TCF3: variants seen among roughly 807,000 people sequenced by gnomAD.
TCF3 encodes the protein transcription factor 3.
A neutral mutation model predicts 72.3 loss-of-function variants in TCF3; 54 were observed. That is an observed-to-expected ratio of 0.75 (90% CI 0.60 to 0.94). TCF3 has a LOEUF of 0.94. TCF3 is among the 40% of genes least tolerant of loss of function. The pLI is 0.00. For synonymous variants in TCF3, 525 were observed against 412.6 expected (o/e 1.27, Z -3.30); for missense variants, 1,078 against 934.4 (o/e 1.15, Z -2.00).
chr19:1,631,264 G>C (rs1433705495), intron 5 of TCF3, among the ~76,000 whole-genome samples: 2 of 148,200 alleles, frequency 1.3e-5, no homozygotes, highest in African/African-American at 4.9e-5. Context: ...CCAGGCCTGA[G>C]TCTTCATTCT....
At chr19:1,634,929 A>T (rs2064194487) in intron 3 of TCF3, among the ~76,000 whole-genome samples, 2 of 152,308 alleles carry the variant, frequency 1.3e-5, no homozygotes, top group Middle Eastern at 3.4e-3. Context: ...ACAGCCAACA[A>T]TATTCACTCC....
At position 1,650,289 on chromosome 19, in the gene TCF3, T is replaced by C. The variant is rs991840676; in HGVS notation, c.-39-2A>G. The C allele has an allele frequency of 1.4e-5, 22 of 1,536,850 alleles. No individual in the cohort carries two copies. The African/African-American group carries it at 1.9e-4, about 13-fold the overall frequency. Reference sequence around the variant, plus strand: ...GCGGGCACCTCAGGCCTGGAAACCCTGCTTGGTGGATGTGGGGACAGATGG... The same window carrying C: ...GCGGGCACCTCAGGCCTGGAAACCCCGCTTGGTGGATGTGGGGACAGATGG... On this transcript the variant is annotated splice_acceptor_variant, in intron 1 of 18. Coordinates refer to ENST00000262965, the MANE Select transcript of TCF3 (RefSeq NM_003200.5). LOFTEE classifies it low-confidence loss of function (5UTR_SPLICE).
intron 3 of TCF3, among the ~76,000 whole-genome samples, chr19:1,641,170 A>AG (rs1167061898): frequency 1.3e-5 from 2 of 151,898 alleles, no homozygotes; most frequent in Non-Finnish European, 2.9e-5. Context: ...CTCAAAAAAA[A>AG]AAAAAAAGTT....
chr19:1,635,031 C>A (rs1189846861), intron 3 of TCF3, among the ~76,000 whole-genome samples: 1 of 152,198 alleles, frequency 6.6e-6, no homozygotes, highest in Non-Finnish European at 1.5e-5. Context: ...ACCCAATCGA[C>A]AGACTTCAGT....
At chr19:1,652,167 C>G in intron 1 of TCF3, 133 bp downstream of exon 1, 1 of 147,886 alleles carries the variant, frequency 6.8e-6, no homozygotes, top group Admixed American at 6.7e-5. Context: ...GGCCGCGGGG[C>G]GCCCCCCGAC....
chr19:1,621,290 C>T (rs1249448489), intron 11 of TCF3, 99 bp from the exon 12 acceptor site: 22 of 1,373,770 alleles, frequency 1.6e-5, no homozygotes, highest in African/African-American at 2.9e-5. Context: ...GACACTGCTG[C>T]GCCAGGGAGA....
intron 5 of TCF3, among the ~76,000 whole-genome samples, chr19:1,630,466 C>T (rs1239725945): frequency 3.3e-5 from 5 of 152,328 alleles, no homozygotes; most frequent in African/African-American, 1.2e-4. Context: ...CAGGCGCTGC[C>T]CCTCAGGGTC....
chr19:1,621,903 G>GGGGCTGA lies in TCF3; in HGVS notation c.883_889dup (p.Pro297LeufsTer54). 1 of 1,600,422 alleles carries GGGGCTGA rather than the reference G, an allele frequency of 6.2e-7. No homozygotes were observed. Among genetic ancestry groups the GGGGCTGA allele is most frequent in the Non-Finnish European group, 8.5e-7 (1 of 1,175,032 alleles). ...GGAGACGCCGCCGTACGTGGCTCCG[G>GGGGCTGA]GGGCTGAGGAGAAGGAGGATGCAGA... On this transcript the variant is annotated frameshift_variant, in exon 11 of 19. Coordinates refer to ENST00000262965, the MANE Select transcript of TCF3 (RefSeq NM_003200.5). LOFTEE classifies it high-confidence loss of function.
intron 8 of TCF3, 80 bp downstream of exon 8, chr19:1,623,871 G>T: frequency 6.8e-7 from 1 of 1,465,742 alleles, no homozygotes; most frequent in Non-Finnish European, 9.4e-7. Context: ...CGCCATGTGT[G>T]TTCCCAAGCT....
At position 1,610,418 on chromosome 19, in the gene TCF3, TGGTGG is replaced by T. The variant is rs765193208; in HGVS notation, c.*1284_*1288del. 74 of 225,260 alleles carry T rather than the reference TGGTGG, an allele frequency of 3.3e-4. No homozygotes were observed. Among genetic ancestry groups the T allele is most frequent in the Middle Eastern group, 1.3e-3 (1 of 776 alleles). 14.0% of individuals were successfully genotyped at this position (225,260 alleles called of 1,614,324 possible). On this transcript the variant is annotated 3_prime_UTR_variant, in exon 19 of 19. Coordinates refer to ENST00000262965, the MANE Select transcript of TCF3 (RefSeq NM_003200.5). ...ATGGCCCTCTGGTGTAATGGGGACA[TGGTGG>T]GGTGGGGTGGGGGGTGTCCTGTGCT...
In TCF3 at chr19:1,614,256, G is replaced by A. The variant is rs568679999; in HGVS notation, c.1822+1029C>T. Among the ~76,000 whole-genome samples, 6 of 152,322 alleles carry A rather than the reference G, an allele frequency of 3.9e-5. No homozygotes were observed. The highest frequency in any genetic ancestry group is 2.0e-4 in the Admixed American group (3 of 15,304). ...GGGGATCCCTCCAGGTGGTGGGGGC[G>A]GCCCCTGGAGCCCAGGACAAGCGCA... On this transcript the variant is annotated intron_variant, in intron 18 of 18. Coordinates refer to ENST00000262965, the MANE Select transcript of TCF3 (RefSeq NM_003200.5). The surrounding 1 kb of genome is among the most constrained non-coding windows in gnomAD (Gnocchi z 5.6).
chr19:1,636,294 G>A (rs2145133614), intron 3 of TCF3, among the ~76,000 whole-genome samples: 1 of 152,130 alleles, frequency 6.6e-6, no homozygotes, highest in Admixed American at 6.5e-5. Flanking sequence ...CACGTAGCTG[G>A]GACTACAGGA....
intron 18 of TCF3, 66 bp from the exon 19 acceptor site, chr19:1,611,915 T>TG (rs1349370610): frequency 7.0e-6 from 2 of 287,474 alleles, no homozygotes; most frequent in Non-Finnish European, 4.9e-6. Context: ...GAGGTGGGAG[T>TG]GGGGGGTAGG....
At chr19:1,626,428 C>G (rs1272855542) in intron 6 of TCF3, among the ~76,000 whole-genome samples, 1 of 151,910 alleles carries the variant, frequency 6.6e-6, no homozygotes, top group African/African-American at 2.4e-5. Flanking sequence ...CCAGCCTGGG[C>G]CATGAGCGAA....
intron 3 of TCF3, among the ~76,000 whole-genome samples, chr19:1,635,551 G>A (rs1189834689): frequency 1.3e-5 from 2 of 151,300 alleles, no homozygotes; most frequent in Admixed American, 1.3e-4. Flanking sequence ...CTCTTTGTCT[G>A]CAGCACTGCC....
At position 1,619,471 on chromosome 19, in the gene TCF3, T is replaced by C; in HGVS notation, c.1171A>G (p.Ser391Gly). The change falls in exon 15 of 19, where the codon AGT (serine) becomes GGT (glycine). Residue 391 changes from serine to glycine, a missense_variant. Physicochemically the swap from Ser to Gly is moderately conservative, Grantham distance 56. Coordinates refer to ENST00000262965, the MANE Select transcript of TCF3 (RefSeq NM_003200.5). ...TCGTCCAGGTGGTCTTCTATCTTAC[T>C]CTGCTGCAGGGTGGGGGGATGGGTG... ...SYDGGLHGLQ[S>G]KIEDHLDEAI... 1 of 1,575,266 alleles carries C rather than the reference T, an allele frequency of 6.3e-7. No individual in the cohort carries two copies. Among genetic ancestry groups the C allele is most frequent in the Non-Finnish European group, 8.6e-7 (1 of 1,164,222 alleles).
At chr19:1,621,409 C>T (rs1405879153) in intron 11 of TCF3, among the ~76,000 whole-genome samples, 2 of 152,114 alleles carry the variant, frequency 1.3e-5, no homozygotes, top group African/African-American at 2.4e-5. Context: ...GGGTGAGTCC[C>T]CTTCTGGGCC....
At chr19:1,631,841 T>A in intron 5 of TCF3, 197 bp downstream of exon 5, 5 of 1,400,084 alleles carry the variant, frequency 3.6e-6, no homozygotes, top group Non-Finnish European at 4.8e-6. Flanking sequence ...AGTTGCAGAG[T>A]GCCGTGCCAG....
chr19:1,621,118 T>C lies in TCF3; in HGVS notation c.1014+15A>G, dbSNP rs1415280395. The stretch of plus-strand genomic sequence containing the variant: ...AGGTCACTTGCCTGGCCACCCCCCA[T>C]GCCCCACGCCTCACCGAGGCCAGTG... On this transcript the variant is annotated intron_variant, in intron 12 of 18. Transcript: ENST00000262965. The C allele has an allele frequency of 2.6e-6, 4 of 1,532,618 alleles. No homozygotes were observed. The South Asian group carries it at 3.6e-5, about 14-fold the overall frequency. The allele number at this position is 1,532,618 out of a possible 1,614,324, so 94.9% of individuals were successfully genotyped here.
Sources: allele counts gnomAD v4.1 joint callset (sites outside exome capture counted in the v4.1 genomes callset), GRCh38; gene constraint gnomAD v4.1.1; non-coding constraint Gnocchi (gnomAD v3.1); transcripts MANE v1.5; gene names NCBI Gene and HGNC (gene_info 2026-07-23, HGNC 2026-07-21).